RAD51B: variants seen among roughly 807,000 people sequenced by gnomAD.
RAD51B encodes the protein RAD51 paralog B, also known as DNA repair protein RAD51 homolog 2.
RAD51B carries 38 observed loss-of-function variants against 42.2 expected under a neutral mutation model. That is an observed-to-expected ratio of 0.90 (90% CI 0.70 to 1.18). The LOEUF is 1.18. Among genes scored for constraint, RAD51B ranks in the 50% most tolerant of loss-of-function variants. The pLI, the probability that RAD51B is intolerant of heterozygous loss-of-function variation, is 0.00. For synonymous variants in RAD51B, 154 were observed against 145.2 expected (o/e 1.06, Z -0.43); for missense variants, 373 against 400.7 (o/e 0.93, Z 0.59).
At chr14:68,192,529 G>A (rs552496812) in intron 7 of RAD51B, among the ~76,000 whole-genome samples, 1 of 152,258 alleles carries the variant, frequency 6.6e-6, no homozygotes, top group East Asian at 1.9e-4. Context: ...TTTAATTGGT[G>A]CCAAGTTTGA....
chr14:68,487,853 C>G (rs1883751519), intron 10 of RAD51B, among the ~76,000 whole-genome samples: 1 of 152,184 alleles, frequency 6.6e-6, no homozygotes, highest in Non-Finnish European at 1.5e-5. Flanking sequence ...TACAATCTCA[C>G]TGGAGGTTAG....
chr14:68,531,866 G>A (rs1887331416), intron 10 of RAD51B, among the ~76,000 whole-genome samples: 1 of 152,042 alleles, frequency 6.6e-6, no homozygotes, highest in African/African-American at 2.4e-5. Context: ...GCCAGATGTG[G>A]TGACTATTCT....
rs573314237 is a variant in RAD51B, at chr14:68,510,637, G to A, written c.1036+42387G>A. Among the ~76,000 whole-genome samples, 204 of 152,294 alleles carry A rather than the reference G, an allele frequency of 1.3e-3. 1 individual carries two copies. Among genetic ancestry groups the A allele is most frequent in the African/African-American group, 4.5e-3 (189 of 41,554 alleles). On this transcript the variant is annotated intron_variant, in intron 10 of 10. Coordinates refer to the RAD51B transcript ENST00000487270. ...ATCCTTTCATCAGCCATCAGCTGCCGTCCCGAGGCCTTCAGCAAGGCCTGA... is the reference window on the plus strand; with the variant it reads ...ATCCTTTCATCAGCCATCAGCTGCCATCCCGAGGCCTTCAGCAAGGCCTGA...
At chr14:68,617,340 C>A (rs1170849939) in intron 10 of RAD51B, among the ~76,000 whole-genome samples, 4 of 152,118 alleles carry the variant, frequency 2.6e-5, no homozygotes, top group Non-Finnish European at 1.5e-5. Context: ...TGCATATGAA[C>A]CTCATTGGAT....
intron 10 of RAD51B, among the ~76,000 whole-genome samples, chr14:68,636,808 G>T (rs940245864): frequency 2.0e-5 from 3 of 152,144 alleles, no homozygotes; most frequent in African/African-American, 4.8e-5. Flanking sequence ...ACAAGAGCAG[G>T]CTGGGAGGGG....
At chr14:67,855,851 A>G (rs1231093804) in intron 4 of RAD51B, among the ~76,000 whole-genome samples, 2 of 152,200 alleles carry the variant, frequency 1.3e-5, no homozygotes, top group Non-Finnish European at 1.5e-5. Context: ...AGAGATTTCA[A>G]ATGGATGTTC....
chr14:68,092,260 A>G lies in RAD51B; in HGVS notation c.757-199624A>G, dbSNP rs150454242. On this transcript the variant is annotated intron_variant, in intron 7 of 10. Coordinates refer to ENST00000471583, the MANE Select transcript of RAD51B (RefSeq NM_133510.4). ...GAAAGTCATTGGTAGCTTGATGGGG[A>G]TGGCATTGAACGTATAAATTACCTT... Among the ~76,000 whole-genome samples, 737 of 152,264 alleles carry G rather than the reference A, an allele frequency of 4.8e-3. 3 individuals are homozygous for G. The highest frequency in any genetic ancestry group is 0.017 in the Middle Eastern group (5 of 294).
chr14:68,648,674 AAC>A (rs35200852), intron 10 of RAD51B, among the ~76,000 whole-genome samples: 13,385 of 143,534 alleles, frequency 0.093, 988 homozygotes, highest in African/African-American at 0.21. Context: ...AAAGCACACA[AAC>A]ACACACACAC....
intron 7 of RAD51B, among the ~76,000 whole-genome samples, chr14:68,052,655 C>T (rs2076412108): frequency 6.6e-6 from 1 of 150,902 alleles, no homozygotes; most frequent in Non-Finnish European, 1.5e-5. Context: ...AGGTCTCACT[C>T]TGTTGCCCAG....
intron 7 of RAD51B, among the ~76,000 whole-genome samples, chr14:67,921,029 A>C (rs1384635949): frequency 6.6e-6 from 1 of 152,222 alleles, no homozygotes; most frequent in African/African-American, 2.4e-5. Flanking sequence ...CTCATAGAGC[A>C]GGCATGCTAC....
chr14:68,239,637 C>T (rs530199188), intron 7 of RAD51B, among the ~76,000 whole-genome samples: 4 of 152,224 alleles, frequency 2.6e-5, no homozygotes, highest in Non-Finnish European at 5.9e-5. Flanking sequence ...TCACCTATCT[C>T]ATCAGCCCAG....
At chr14:68,124,436 A>G (rs766653001) in intron 7 of RAD51B, among the ~76,000 whole-genome samples, 25 of 152,194 alleles carry the variant, frequency 1.6e-4, no homozygotes, top group Non-Finnish European at 2.9e-4. Flanking sequence ...TGTACAATAT[A>G]GTGTGTTTTT....
chr14:68,094,108 C>T (rs541000912), intron 7 of RAD51B, among the ~76,000 whole-genome samples: 1 of 152,200 alleles, frequency 6.6e-6, no homozygotes, highest in South Asian at 2.1e-4. Context: ...TTGAGTACCT[C>T]TTTATATTAC....
intron 7 of RAD51B, among the ~76,000 whole-genome samples, chr14:68,204,785 T>A (rs1222304405): frequency 6.6e-6 from 1 of 152,230 alleles, no homozygotes; most frequent in Non-Finnish European, 1.5e-5. Flanking sequence ...TTATTTGTGC[T>A]CTTTATAAGA....
intron 8 of RAD51B, among the ~76,000 whole-genome samples, chr14:68,335,438 T>TAA (rs1283807822): frequency 6.6e-6 from 1 of 152,206 alleles, no homozygotes; most frequent in Admixed American, 6.5e-5. Context: ...CAGCATACTT[T>TAA]AGTCTCTTAG....
intron 10 of RAD51B, among the ~76,000 whole-genome samples, chr14:68,533,977 A>G (rs933197267): frequency 6.6e-6 from 1 of 152,196 alleles, no homozygotes; most frequent in Admixed American, 6.5e-5. Context: ...CATGGAATTG[A>G]TCATGGGTAA....
At chr14:67,907,505 T>C (rs146525332) in intron 7 of RAD51B, among the ~76,000 whole-genome samples, 15 of 152,248 alleles carry the variant, frequency 9.9e-5, no homozygotes, top group African/African-American at 3.6e-4. Context: ...GCTAGAAGAC[T>C]CAAAGACTGA....
At chr14:68,189,526 C>G (rs1230210394) in intron 7 of RAD51B, among the ~76,000 whole-genome samples, 1 of 152,124 alleles carries the variant, frequency 6.6e-6, no homozygotes, top group African/African-American at 2.4e-5. Context: ...TTTCTACTCA[C>G]TTGATAATGT....
chr14:68,123,479 A>G (rs139753710), intron 7 of RAD51B, among the ~76,000 whole-genome samples: 1,875 of 152,114 alleles, frequency 0.012, 17 homozygotes, highest in South Asian at 0.027. Flanking sequence ...GGCATGAGCT[A>G]CCATACCTGG....
Sources: allele counts gnomAD v4.1 joint callset (sites outside exome capture counted in the v4.1 genomes callset), GRCh38; gene constraint gnomAD v4.1.1; transcripts MANE v1.5; gene names NCBI Gene and HGNC (gene_info 2026-07-23, HGNC 2026-07-21).